Variants in SLC37A1 observed in about 807,000 individuals in gnomAD.
SLC37A1 encodes solute carrier family 37 member 1, also known as glucose-6-phosphate exchanger SLC37A1.
SLC37A1 carries 49 observed loss-of-function variants against 75.3 expected under a neutral mutation model. The observed-to-expected ratio is 0.65, with a 90% CI of 0.52 to 0.83. The LOEUF (loss-of-function observed/expected upper bound fraction) is 0.83. Among genes scored for constraint, SLC37A1 ranks in the 40% least tolerant of loss-of-function variants. The pLI is 0.00. For missense variants in SLC37A1, 566 were observed against 695.0 expected, an observed-to-expected ratio of 0.81 and a Z score of 2.09; for synonymous variants, 268 against 292.1, an observed-to-expected ratio of 0.92 and a Z score of 0.84.
chr21:42,518,610 A>G, intron 2 of SLC37A1, 100 bp downstream of exon 2: 1 of 1,349,840 alleles, frequency 7.4e-7, no homozygotes, highest in Non-Finnish European at 1.0e-6. Flanking sequence ...AAAACACATA[A>G]AACTTGAATC....
At position 42,564,782 on chromosome 21, in the gene SLC37A1, G is replaced by A. The variant is rs148432187; in HGVS notation, c.1210G>A (p.Ala404Thr). The part of the protein sequence containing the change: ...ASTCGLMLLL[A>T]APTLYIFSTV... ...CACCTGCGGCCTGATGCTGCTGCTCGCGGCCCCCACGGTCAGCCGTGCTGC... is the reference window on the plus strand; with the variant it reads ...CACCTGCGGCCTGATGCTGCTGCTCACGGCCCCCACGGTCAGCCGTGCTGC... The change falls in exon 14 of 20, where the codon GCG becomes ACG. Residue 404 changes from alanine to threonine, a missense_variant. Coordinates refer to ENST00000352133, the MANE Select transcript of SLC37A1 (RefSeq NM_001320537.2). 9.0e-5 allele frequency: 144 copies of A among 1,605,918 alleles called. 2 individuals carry two copies. Among genetic ancestry groups the A allele is most frequent in the South Asian group, 8.8e-4 (80 of 91,072 alleles).
chr21:42,554,378 C>T (rs915954843), intron 10 of SLC37A1, among the ~76,000 whole-genome samples: 1 of 152,218 alleles, frequency 6.6e-6, no homozygotes, highest in Non-Finnish European at 1.5e-5. Flanking sequence ...CTTTCAATGT[C>T]CCAGGCACTA....
chr21:42,542,533 C>T, intron 7 of SLC37A1, 53 bp downstream of exon 7: 1 of 1,574,682 alleles, frequency 6.4e-7, no homozygotes, highest in Non-Finnish European at 8.7e-7. Context: ...GACCATTTTA[C>T]TTTTAGTTTT....
intron 7 of SLC37A1, 34 bp from the exon 8 acceptor site, chr21:42,543,402 T>C: frequency 6.2e-7 from 1 of 1,613,984 alleles, no homozygotes; most frequent in Non-Finnish European, 8.5e-7. Context: ...GCTTCTCAGC[T>C]CCATCTTCTG....
intron 11 of SLC37A1, chr21:42,561,624 C>A: frequency 6.2e-6 from 1 of 162,200 alleles, no homozygotes; most frequent in Admixed American, 6.0e-5. Context: ...GTTTTCCAGG[C>A]GATGTAGTAT....
intron 5 of SLC37A1, among the ~76,000 whole-genome samples, chr21:42,537,097 C>G (rs954817462): frequency 1.3e-5 from 2 of 152,244 alleles, no homozygotes; most frequent in African/African-American, 2.4e-5. Context: ...CCCCCTACCC[C>G]GCTCAGAGCC....
intron 9 of SLC37A1, 26 bp from the exon 10 acceptor site, chr21:42,554,036 T>C (rs760852183): frequency 6.3e-7 from 1 of 1,590,868 alleles, no homozygotes; most frequent in East Asian, 2.2e-5. Context: ...TCAGTATCGC[T>C]CTAATGAAAC....
chr21:42,528,556 T>G (rs560847182), intron 3 of SLC37A1, among the ~76,000 whole-genome samples: 14 of 152,344 alleles, frequency 9.2e-5, no homozygotes, highest in Admixed American at 7.2e-4. Flanking sequence ...CTAGGCGCAG[T>G]GGCTCACGCC....
chr21:42,507,611 G>C (rs1464931598), intron 2 of SLC37A1, among the ~76,000 whole-genome samples: 1 of 152,184 alleles, frequency 6.6e-6, no homozygotes. Context: ...TTTAGTTCAT[G>C]GTTCTGCATG....
At chr21:42,567,118 C>G in intron 16 of SLC37A1, 60 bp downstream of exon 16, 2 of 1,566,966 alleles carry the variant, frequency 1.3e-6, no homozygotes, top group Non-Finnish European at 1.7e-6. Flanking sequence ...CCATTCATGA[C>G]AAAAGTGGCC....
At chr21:42,558,089 A>C (rs1349044293) in intron 10 of SLC37A1, among the ~76,000 whole-genome samples, 1 of 152,160 alleles carries the variant, frequency 6.6e-6, no homozygotes, top group Non-Finnish European at 1.5e-5. Context: ...CTACAAGCGC[A>C]TACCACCACA....
At chr21:42,575,969 T>C in intron 18 of SLC37A1, 5 of 982,946 alleles carry the variant, frequency 5.1e-6, no homozygotes, top group South Asian at 4.7e-5. Flanking sequence ...GAATCTGAAA[T>C]ATCTTCTTTA....
At chr21:42,546,569 A>T (rs556502657) in intron 8 of SLC37A1, among the ~76,000 whole-genome samples, 1 of 152,242 alleles carries the variant, frequency 6.6e-6, no homozygotes, top group African/African-American at 2.4e-5. Context: ...AGTATTTTCC[A>T]TATTTAAAGT....
chr21:42,500,588 G>C (rs981797907), intron 1 of SLC37A1, among the ~76,000 whole-genome samples: 18 of 152,074 alleles, frequency 1.2e-4, no homozygotes, highest in Non-Finnish European at 1.3e-4. Flanking sequence ...CAGTATGTTT[G>C]GGGGGGAATT....
At chr21:42,572,250 G>A (rs991041411) in intron 17 of SLC37A1, among the ~76,000 whole-genome samples, 3 of 152,064 alleles carry the variant, frequency 2.0e-5, no homozygotes, top group African/African-American at 4.8e-5. Flanking sequence ...AGATCTCCAG[G>A]TTCCCTTCCT....
chr21:42,551,617 T>TA (rs1272681910), intron 9 of SLC37A1, among the ~76,000 whole-genome samples: 1 of 152,238 alleles, frequency 6.6e-6, no homozygotes, highest in Non-Finnish European at 1.5e-5. Flanking sequence ...ACAATGCTAT[T>TA]ACAAATTTTT....
intron 6 of SLC37A1, among the ~76,000 whole-genome samples, chr21:42,541,957 G>T (rs942299296): frequency 2.6e-5 from 4 of 152,094 alleles, no homozygotes. Context: ...GCCCAGGCTG[G>T]TCTCAAATTC....
intron 2 of SLC37A1, among the ~76,000 whole-genome samples, chr21:42,505,382 C>T (rs1435926637): frequency 1.3e-5 from 2 of 152,158 alleles, no homozygotes; most frequent in Non-Finnish European, 2.9e-5. Context: ...GAACACCTTC[C>T]ACTCTTCTTT....
exon 2 of SLC37A1, chr21:42,502,328 T>C (rs2054348304): frequency 6.6e-6 from 1 of 152,220 alleles, no homozygotes; most frequent in African/African-American, 2.4e-5. Flanking sequence ...TGAGCCTAAA[T>C]ACATGTTGCT....
Sources: allele counts gnomAD v4.1 joint callset (sites outside exome capture counted in the v4.1 genomes callset), GRCh38; gene constraint gnomAD v4.1.1; transcripts MANE v1.5; gene names NCBI Gene and HGNC (gene_info 2026-07-23, HGNC 2026-07-21).